SIM1: variants seen among roughly 807,000 people sequenced by gnomAD.
SIM1 encodes the protein SIM bHLH transcription factor 1.
SIM1 carries 18 observed loss-of-function variants against 78.2 expected under a neutral mutation model. The ratio of observed to expected loss-of-function variants is 0.23; its 90% CI spans 0.16 to 0.34. SIM1 has a LOEUF of 0.34. Ranked by LOEUF, SIM1 falls within the 10% of genes least tolerant of loss-of-function variation. SIM1 has a pLI of 1.00. For missense variants in SIM1, 939 were observed against 975.1 expected (o/e 0.96, Z 0.49); for synonymous variants, 417 against 385.2 (o/e 1.08, Z -0.97).
chr6:100,400,653 C>T (rs1267317532), intron 10 of SIM1, among the ~76,000 whole-genome samples: 3 of 152,002 alleles, frequency 2.0e-5, no homozygotes, highest in African/African-American at 7.2e-5. Context: ...GGAATTGCCT[C>T]TGGCCAAATA....
intron 3 of SIM1, 127 bp from the exon 4 acceptor site, chr6:100,450,483 G>A (rs1392064020): frequency 3.9e-6 from 3 of 759,508 alleles, no homozygotes; most frequent in Admixed American, 4.3e-5. Flanking sequence ...GGTTTGGCAG[G>A]AAACAGGGCA....
intron 9 of SIM1, among the ~76,000 whole-genome samples, chr6:100,428,240 A>G (rs993937315): frequency 2.0e-5 from 3 of 152,218 alleles, no homozygotes; most frequent in Non-Finnish European, 4.4e-5. Context: ...ACTTAGCCAA[A>G]CTGGAATTTT....
At chr6:100,461,841 C>CTTTTTTTTTTTTTTTT (rs10522700) in intron 2 of SIM1, among the ~76,000 whole-genome samples, 5 of 113,338 alleles carry the variant, frequency 4.4e-5, no homozygotes, top group African/African-American at 1.8e-4. Context: ...TTCTTTCTTT[C>CTTTTTTTTTTTTTTTT]TTTTTTTTTT....
At chr6:100,393,459 G>A in intron 11 of SIM1, 28 bp downstream of exon 11, 3 of 1,494,664 alleles carry the variant, frequency 2.0e-6, no homozygotes, top group Non-Finnish European at 2.7e-6. Context: ...AATGCTTGGA[G>A]TTCGGGAACC....
chr6:100,447,037 T>C (rs1772373761), intron 9 of SIM1, among the ~76,000 whole-genome samples: 1 of 152,216 alleles, frequency 6.6e-6, no homozygotes. Flanking sequence ...AAAGCAAATA[T>C]GGACTGTGAT....
chr6:100,449,490 C>T (rs1027314607), intron 5 of SIM1, 42 bp from the exon 6 acceptor site: 2 of 1,591,604 alleles, frequency 1.3e-6, no homozygotes, highest in Non-Finnish European at 1.7e-6. Flanking sequence ...CGTGTGACAC[C>T]GGCGGCGTGG....
intron 9 of SIM1, among the ~76,000 whole-genome samples, chr6:100,433,975 A>C (rs1212136351): frequency 1.3e-5 from 2 of 152,092 alleles, no homozygotes; most frequent in Non-Finnish European, 2.9e-5. Context: ...CCGTTACCTT[A>C]ATTACAACAA....
intron 10 of SIM1, among the ~76,000 whole-genome samples, chr6:100,406,974 TCTC>T (rs1771068008): frequency 1.3e-5 from 2 of 152,268 alleles, no homozygotes; most frequent in Admixed American, 6.5e-5. Flanking sequence ...TTGATCAACG[TCTC>T]CTCATTTCCC....
chr6:100,424,280 T>G (rs1771667882), intron 9 of SIM1, among the ~76,000 whole-genome samples: 1 of 152,148 alleles, frequency 6.6e-6, no homozygotes, highest in African/African-American at 2.4e-5. Context: ...AATGCTTTGG[T>G]ACACATTAAA....
intron 10 of SIM1, among the ~76,000 whole-genome samples, chr6:100,414,246 T>C (rs111944250): frequency 0.024 from 3,688 of 152,272 alleles, 143 homozygotes; most frequent in African/African-American, 0.084. Context: ...AGGGCAGAAA[T>C]TGTGGCCTTG....
Position 100,424,780 on chromosome 6 carries a change from A to T in SIM1, c.999-3822T>A, listed in dbSNP as rs142841014. 4.0e-5 allele frequency among the ~76,000 whole-genome samples: 6 copies of T among 151,822 alleles called. 1 individual carries two copies. Among genetic ancestry groups the T allele is most frequent in the African/African-American group, 1.4e-4 (6 of 41,418 alleles). On this transcript the variant is annotated intron_variant, in intron 9 of 11. Coordinates refer to ENST00000369208, the MANE Select transcript of SIM1 (RefSeq NM_005068.3). ...GTTTAGATGAAATATTCTGTGAAAA[A>T]CTCAAAGCACAGTGCCTAGAACATA...
rs1770596070 is a variant in SIM1 at position 100,389,978 on chromosome 6, T to C, written c.*383A>G. ...ATAGCCTATATTTCCATATGTAAAA[T>C]GTATACCGCAGTTTGTAAGTAATAG... On this transcript the variant is annotated 3_prime_UTR_variant, in exon 12 of 12. Coordinates refer to ENST00000369208, the MANE Select transcript of SIM1 (RefSeq NM_005068.3). 2.1e-5 allele frequency: 8 copies of C among 385,600 alleles called. No individual in the cohort carries two copies. In the East Asian group the frequency reaches 2.6e-4, roughly 13 times the overall value. The allele number at this position is 385,600 out of a possible 1,614,324, so 23.9% of individuals were successfully genotyped here. A position where few individuals can be genotyped will look rare whatever the true frequency, so the allele number is the denominator to read the frequency against.
At chr6:100,457,128 G>A (rs1225471871) in intron 2 of SIM1, among the ~76,000 whole-genome samples, 1 of 152,152 alleles carries the variant, frequency 6.6e-6, no homozygotes, top group East Asian at 1.9e-4. Flanking sequence ...TAATACCCTT[G>A]ACAAAATATA....
chr6:100,394,119 A>G, intron 10 of SIM1: 1 of 444,064 alleles, frequency 2.3e-6, no homozygotes, highest in Non-Finnish European at 3.9e-6. Context: ...TGATGAAAGC[A>G]GGAGATAAAG....
chr6:100,463,508 G>A lies in SIM1; in HGVS notation c.-40C>T. ...CCTTTCTTCTCACAACTTAAGCTCC[G>A]CAGATTCATCCAAAACCAAAAATAA... On this transcript the variant is annotated 5_prime_UTR_variant, in exon 2 of 12. Coordinates refer to ENST00000369208, the MANE Select transcript of SIM1 (RefSeq NM_005068.3). 2 of 1,545,712 alleles carry A rather than the reference G, an allele frequency of 1.3e-6. No individual in the cohort carries two copies. The highest frequency in any genetic ancestry group is 1.8e-6 in the Non-Finnish European group (2 of 1,136,270).
At chr6:100,455,952 G>T (rs565597726) in intron 2 of SIM1, among the ~76,000 whole-genome samples, 1 of 152,190 alleles carries the variant, frequency 6.6e-6, no homozygotes. Flanking sequence ...GGCCTCATTA[G>T]TATGCGCCTA....
At chr6:100,394,759 C>A (rs1770728705) in intron 10 of SIM1, among the ~76,000 whole-genome samples, 1 of 152,128 alleles carries the variant, frequency 6.6e-6, no homozygotes, top group Admixed American at 6.6e-5. Context: ...GCTCCAATCT[C>A]CTGAAACTTA....
chr6:100,441,847 G>C (rs1451300734), intron 9 of SIM1, among the ~76,000 whole-genome samples: 2 of 152,160 alleles, frequency 1.3e-5, no homozygotes, highest in African/African-American at 2.4e-5. Flanking sequence ...CATTAATTCA[G>C]ATCAAAGCCT....
intron 10 of SIM1, among the ~76,000 whole-genome samples, chr6:100,409,544 T>C (rs184795): frequency 1.3e-4 from 20 of 152,168 alleles, no homozygotes; most frequent in Admixed American, 6.5e-4. Flanking sequence ...CATTTACTCC[T>C]GCTCCAATCT....
Sources: allele counts gnomAD v4.1 joint callset (sites outside exome capture counted in the v4.1 genomes callset), GRCh38; gene constraint gnomAD v4.1.1; transcripts MANE v1.5; gene names NCBI Gene and HGNC (gene_info 2026-07-23, HGNC 2026-07-21).